The following SLC71A2 variants were observed in gnomAD, a reference collection of about 807,000 sequenced individuals.
SLC71A2 encodes solute carrier family 71 member 2.
chr9:94,459,324 A>G, the SLC71A2 span: 4 of 1,614,180 alleles, frequency 2.5e-6, no homozygotes, highest in Non-Finnish European at 3.4e-6. Flanking sequence ...CGGGGCAGTG[A>G]TGAGGACATT....
chr9:94,443,846 A>G, the SLC71A2 span, among the ~76,000 whole-genome samples: 1 of 152,214 alleles, frequency 6.6e-6, no homozygotes, highest in Admixed American at 6.5e-5. Flanking sequence ...ATAAAGTGGG[A>G]AAACCTGAGG....
At chr9:94,380,150 C>G in the SLC71A2 span, among the ~76,000 whole-genome samples, 3 of 152,026 alleles carry the variant, frequency 2.0e-5, no homozygotes, top group African/African-American at 4.8e-5. Flanking sequence ...GCCTGTAGTC[C>G]CAGCTACTTG....
At chr9:94,429,401 A>C in the SLC71A2 span, 2 of 1,247,264 alleles carry the variant, frequency 1.6e-6, no homozygotes, top group East Asian at 2.5e-5. Context: ...ATTAAAAGTC[A>C]CTTTAAAATA....
the SLC71A2 span, chr9:94,429,092 G>T: frequency 1.3e-6 from 2 of 1,506,210 alleles, no homozygotes; most frequent in East Asian, 2.3e-5. Context: ...ATTTTTCATT[G>T]CAGGGCTCAT....
At chr9:94,434,610 C>T in the SLC71A2 span, among the ~76,000 whole-genome samples, 1 of 152,270 alleles carries the variant, frequency 6.6e-6, no homozygotes, top group African/African-American at 2.4e-5. Flanking sequence ...CCACTGTGTC[C>T]AGCAAAGACC....
the SLC71A2 span, among the ~76,000 whole-genome samples, chr9:94,417,582 G>A: frequency 6.6e-6 from 1 of 152,082 alleles, no homozygotes; most frequent in African/African-American, 2.4e-5. Context: ...AGCCAAGATC[G>A]TGTCATTGCA....
the SLC71A2 span, chr9:94,458,232 G>T: frequency 3.5e-6 from 4 of 1,144,282 alleles, no homozygotes; most frequent in African/African-American, 1.6e-5. Context: ...CCGAATTAGT[G>T]TATCATGGTT....
chr9:94,412,500 C>T, the SLC71A2 span, among the ~76,000 whole-genome samples: 1 of 152,250 alleles, frequency 6.6e-6, no homozygotes, highest in East Asian at 1.9e-4. Flanking sequence ...GAACTGGAAA[C>T]ATGTTCATAC....
chr9:94,406,014 C>G, the SLC71A2 span, among the ~76,000 whole-genome samples: 24,481 of 144,714 alleles, frequency 0.17, 2,624 homozygotes, highest in African/African-American at 0.31. Context: ...TCACCTTCTT[C>G]GTTACATTTA....
chr9:94,395,177 G>A, the SLC71A2 span, among the ~76,000 whole-genome samples: 1 of 149,468 alleles, frequency 6.7e-6, no homozygotes, highest in African/African-American at 2.5e-5. Flanking sequence ...GCCTCCCAAA[G>A]TGCTGGGATT....
the SLC71A2 span, chr9:94,438,524 C>T: frequency 1.9e-6 from 3 of 1,605,958 alleles, no homozygotes; most frequent in Non-Finnish European, 2.5e-6. Context: ...GAGGATCAGC[C>T]CATGGTGAGT....
At chr9:94,409,129 C>CTTT in the SLC71A2 span, among the ~76,000 whole-genome samples, 2,971 of 68,202 alleles carry the variant, frequency 0.044, 428 homozygotes, top group East Asian at 0.26. Context: ...GCCCGGCCTC[C>CTTT]TTTTTTTTTT....
chr9:94,429,409 A>G, the SLC71A2 span, among the ~76,000 whole-genome samples: 3 of 152,198 alleles, frequency 2.0e-5, no homozygotes, highest in Admixed American at 1.3e-4. Flanking sequence ...TCACTTTAAA[A>G]TACAACACAA....
chr9:94,424,299 A>G, the SLC71A2 span, among the ~76,000 whole-genome samples: 1 of 151,940 alleles, frequency 6.6e-6, no homozygotes, highest in South Asian at 2.1e-4. Flanking sequence ...CAGTGGTGCG[A>G]TCTCGGCTCA....
chr9:94,458,393 A>G, the SLC71A2 span: 2 of 1,613,980 alleles, frequency 1.2e-6, no homozygotes, highest in Non-Finnish European at 8.5e-7. Context: ...GTATGGCTTC[A>G]TATTCTACAT....
the SLC71A2 span, among the ~76,000 whole-genome samples, chr9:94,420,561 AT>A: frequency 6.0e-5 from 9 of 149,446 alleles, no homozygotes; most frequent in African/African-American, 2.2e-4. Context: ...AAGTCTGACA[AT>A]TTTTTTTTCT....
At chr9:94,400,097 A>C in the SLC71A2 span, among the ~76,000 whole-genome samples, 1 of 152,054 alleles carries the variant, frequency 6.6e-6, no homozygotes, top group South Asian at 2.1e-4. Context: ...ACCCAGAGCC[A>C]CTGCGCCCGG....
the SLC71A2 span, among the ~76,000 whole-genome samples, chr9:94,398,415 C>T: frequency 2.6e-5 from 4 of 152,138 alleles, no homozygotes; most frequent in East Asian, 1.9e-4. Context: ...GCTTATATAC[C>T]TTCTAAGTTA....
At chr9:94,385,187 CT>C in the SLC71A2 span, among the ~76,000 whole-genome samples, 1 of 152,196 alleles carries the variant, frequency 6.6e-6, no homozygotes, top group African/African-American at 2.4e-5. Context: ...CATAGGTTAC[CT>C]TTTAACTCTG....
Sources: allele counts gnomAD v4.1 joint callset (sites outside exome capture counted in the v4.1 genomes callset), GRCh38; gene constraint gnomAD v4.1.1; transcripts MANE v1.5; gene names NCBI Gene and HGNC (gene_info 2026-07-23, HGNC 2026-07-21).